FGD2: variants seen among roughly 807,000 people sequenced by gnomAD.
FGD2 encodes the protein FYVE, RhoGEF and PH domain containing 2, also known as FYVE, RhoGEF and PH domain-containing protein 2.
FGD2 carries 52 observed loss-of-function variants against 75.9 expected under a neutral mutation model. That is an observed-to-expected ratio of 0.69 (90% CI 0.55 to 0.86). FGD2 has a LOEUF of 0.86. Ranked by LOEUF, FGD2 falls within the 40% of genes least tolerant of loss-of-function variation. The probability of loss-of-function intolerance (pLI) is 0.00; values close to 1 mark genes in which losing one functional copy is unlikely to be tolerated. For missense variants in FGD2, 790 were observed against 872.0 expected (o/e 0.91, Z 1.18); for synonymous variants, 347 against 348.6 (o/e 1.00, Z 0.05).
At chr6:37,015,957 C>G in intron 9 of FGD2, 97 bp downstream of exon 9, 2 of 1,149,382 alleles carry the variant, frequency 1.7e-6, no homozygotes, top group Non-Finnish European at 2.5e-6. Context: ...AATCACAGAA[C>G]CAAACCCTTG....
intron 1 of FGD2, among the ~76,000 whole-genome samples, chr6:37,006,819 G>C (rs552935682): frequency 1.8e-4 from 27 of 152,304 alleles, no homozygotes; most frequent in African/African-American, 6.5e-4. Flanking sequence ...GGGCCGGGCA[G>C]GGGGAGATGC....
chr6:37,009,746 A>C (rs560855770), intron 2 of FGD2: 1 of 152,274 alleles, frequency 6.6e-6, no homozygotes, highest in South Asian at 2.1e-4. Context: ...GGGTGCAGTA[A>C]CTCACGCCTG....
rs147092953 is a variant in FGD2 at position 37,020,203 on chromosome 6, G to A, written c.1123-338G>A. 3.6e-3 allele frequency among the ~76,000 whole-genome samples: 551 copies of A among 152,220 alleles called. 3 individuals are homozygous for A. Among genetic ancestry groups the A allele is most frequent in the African/African-American group, 0.012 (513 of 41,534 alleles). ...ATGAAAATTTTAAAGCCAAGAAAAC[G>A]GTATAATGAACCTCATATACTCATC... On this transcript the variant is annotated intron_variant, in intron 9 of 15. Coordinates refer to ENST00000274963, the MANE Select transcript of FGD2 (RefSeq NM_173558.4).
Position 37,028,615 on chromosome 6 carries a change from C to CTTTTTTTTTCTTTTTTTTTTTTT in FGD2, c.*461_*462insCTTTTTTTTTTTTTTTTTTTTTT, listed in dbSNP as rs1765946177. On this transcript the variant is annotated 3_prime_UTR_variant, in exon 16 of 16. Coordinates refer to ENST00000274963, the MANE Select transcript of FGD2 (RefSeq NM_173558.4). Reference sequence around the variant, plus strand: ...GGCTGAGTTGGGGGAGGCATGGGGTCTTTTTTTTTTTTTTTTTGAGACAGA... The same window carrying CTTTTTTTTTCTTTTTTTTTTTTT: ...GGCTGAGTTGGGGGAGGCATGGGGTCTTTTTTTTTCTTTTTTTTTTTTTTTTTTTTTTTTTTTTTTGAGACAGA... 1.3e-5 allele frequency: 1 copy of CTTTTTTTTTCTTTTTTTTTTTTT among 79,024 alleles called. No individual in the cohort carries two copies. Among genetic ancestry groups the CTTTTTTTTTCTTTTTTTTTTTTT allele is most frequent in the African/African-American group, 5.5e-5 (1 of 18,142 alleles). The allele number at this position is 79,024 out of a possible 1,614,324, so 4.9% of individuals were successfully genotyped here.
Position 37,011,033 on chromosome 6 carries a change from C to T in FGD2, c.361C>T (p.Leu121Phe). The T allele has an allele frequency of 6.2e-7, 1 of 1,614,198 alleles. No homozygotes were observed. The change falls in exon 3 of 16, where the codon CTC becomes TTC. Residue 121 changes from leucine (L) to phenylalanine (F), a missense_variant. Transcript: ENST00000274963. Reference sequence around the variant, plus strand: ...GACAGAGCAGGCCTATGTGGCGCGCCTCCACCTGCTAGACCAGGCCAGTGA... The same window carrying T: ...GACAGAGCAGGCCTATGTGGCGCGCTTCCACCTGCTAGACCAGGCCAGTGA... ...LETEQAYVAR[L>F]HLLDQVFFQE...
chr6:37,013,483 G>A (rs780560014), intron 4 of FGD2, 126 bp from the exon 5 acceptor site: 334 of 1,470,436 alleles, frequency 2.3e-4, no homozygotes, highest in Non-Finnish European at 2.9e-4. Context: ...CCCGTACCCC[G>A]CCCACACCCA....
At chr6:37,020,883 T>C in intron 11 of FGD2, 144 bp downstream of exon 11, 2 of 1,021,666 alleles carry the variant, frequency 2.0e-6, no homozygotes, top group Non-Finnish European at 2.8e-6. Flanking sequence ...GTGGTGTATG[T>C]ATGCATGTGT....
intron 11 of FGD2, among the ~76,000 whole-genome samples, 172 bp downstream of exon 11, chr6:37,020,911 T>C (rs572053692): frequency 1.1e-4 from 16 of 145,528 alleles, no homozygotes; most frequent in East Asian, 6.2e-4. Flanking sequence ...TGTGTGTGTG[T>C]GCATGTGTGT....
intron 13 of FGD2, chr6:37,024,122 C>T (rs1219693666): frequency 6.6e-6 from 1 of 152,204 alleles, no homozygotes; most frequent in Non-Finnish European, 1.5e-5. Flanking sequence ...GAGCGGATCA[C>T]CTGAGGCCAG....
intron 6 of FGD2, chr6:37,014,308 G>A (rs538937001): frequency 3.0e-5 from 20 of 660,328 alleles, no homozygotes; most frequent in East Asian, 1.7e-4. Flanking sequence ...TCAAGGTCAC[G>A]CAGCCAGAGA....
intron 11 of FGD2, 148 bp downstream of exon 11, chr6:37,020,887 C>CTTGTGT: frequency 4.3e-6 from 3 of 697,306 alleles, no homozygotes; most frequent in Non-Finnish European, 4.2e-6. Flanking sequence ...TGTATGTATG[C>CTTGTGT]ATGTGTGTGT....
At chr6:37,010,789 C>A (rs1488396602) in intron 2 of FGD2, among the ~76,000 whole-genome samples, 184 bp from the exon 3 acceptor site, 1 of 152,210 alleles carries the variant, frequency 6.6e-6, no homozygotes, top group African/African-American at 2.4e-5. Flanking sequence ...ACTGGCACAG[C>A]CTTACTCAGC....
At chr6:37,012,490 T>C in intron 4 of FGD2, among the ~76,000 whole-genome samples, 1 of 151,938 alleles carries the variant, frequency 6.6e-6, no homozygotes, top group Non-Finnish European at 1.5e-5. Flanking sequence ...GGTGGGTGGA[T>C]CACTTGAGCT....
intron 13 of FGD2, chr6:37,025,506 G>C (rs1583325655): frequency 2.2e-6 from 1 of 447,032 alleles, no homozygotes; most frequent in East Asian, 3.8e-5. Context: ...TCACTCGGAG[G>C]GAACCTGGAG....
intron 3 of FGD2, 117 bp from the exon 4 acceptor site, chr6:37,011,589 C>T: frequency 1.4e-6 from 2 of 1,394,318 alleles, no homozygotes; most frequent in Non-Finnish European, 1.0e-6. Context: ...TGTGAGGATG[C>T]CGGGAGATCA....
intron 4 of FGD2, chr6:37,013,367 C>G: frequency 8.6e-7 from 1 of 1,156,384 alleles, no homozygotes; most frequent in Non-Finnish European, 1.1e-6. Flanking sequence ...GTGGGCCCAA[C>G]ACTGTGCCGG....
intron 9 of FGD2, among the ~76,000 whole-genome samples, chr6:37,019,852 TTTC>T (rs1426219144): frequency 2.1e-5 from 2 of 96,316 alleles, no homozygotes; most frequent in Non-Finnish European, 4.0e-5. Context: ...TTTCTTTTCT[TTTC>T]TTTTTTTTTT....
At position 37,008,823 on chromosome 6, in the gene FGD2, C is replaced by G. The variant is rs759082724; in HGVS notation, c.69-11C>G. On this transcript the variant is annotated splice_polypyrimidine_tract_variant and intron_variant, in intron 1 of 15. Transcript: ENST00000274963. ...AGGGAGGAAGCCCTCAGGTCTGTCT[C>G]TTCTCCTCAGGACCCCAGAAGCAGC... is the stretch of plus-strand genomic sequence containing the variant. 3.8e-6 allele frequency: 6 copies of G among 1,563,850 alleles called. No homozygotes were observed. Among genetic ancestry groups the G allele is most frequent in the Non-Finnish European group, 4.3e-6 (5 of 1,152,568 alleles).
Position 37,013,989 on chromosome 6 carries a change from C to T in FGD2, c.712C>T (p.Leu238=), listed in dbSNP as rs1177608428. 4 of 1,614,032 alleles carry T rather than the reference C, an allele frequency of 2.5e-6. No homozygotes were observed. Among genetic ancestry groups the T allele is most frequent in the South Asian group, 1.1e-5 (1 of 91,082 alleles). The change falls in exon 6 of 16, where the codon CTG becomes TTG. Residue 238 remains leucine, a synonymous_variant. Coordinates refer to ENST00000274963, the MANE Select transcript of FGD2 (RefSeq NM_173558.4). ...CAGCGAGGCTTCGGGCAGCCTGACC[C>T]TGCAGCACCACATGCTGGAACCAGT... ...QSSEASGSLT[L]QHHMLEPVQR...
Sources: allele counts gnomAD v4.1 joint callset (sites outside exome capture counted in the v4.1 genomes callset), GRCh38; gene constraint gnomAD v4.1.1; transcripts MANE v1.5; gene names NCBI Gene and HGNC (gene_info 2026-07-23, HGNC 2026-07-21).